The following GSAP variants were observed in gnomAD, a reference collection of about 807,000 sequenced individuals.
The protein encoded by GSAP is gamma-secretase-activating protein.
Under a neutral mutation model 131.7 loss-of-function variants are expected in GSAP, and 118 were observed. The observed-to-expected ratio is 0.90, with a 90% confidence interval of 0.77 to 1.04. The LOEUF (loss-of-function observed/expected upper bound fraction) is 1.04. GSAP is among the 50% of genes least tolerant of loss of function. GSAP has a pLI of 0.00. For synonymous variants in GSAP, 381 were observed against 363.4 expected, an observed-to-expected ratio of 1.05 and a Z score of -0.55; for missense variants, 1,019 against 1,013.2, an observed-to-expected ratio of 1.01 and a Z score of -0.08.
intron 12 of GSAP, 87 bp from the exon 13 acceptor site, chr7:77,362,747 C>T: frequency 1.4e-6 from 1 of 739,022 alleles, no homozygotes; most frequent in Non-Finnish European, 2.4e-6. Flanking sequence ...ACTTCTATTC[C>T]TTTAGATGTC....
Position 77,313,543 on chromosome 7 carries a change from TC to T in GSAP, c.2215del (p.Asp739IlefsTer9). ...CAGTTTTTCATTTTTCTCTGTATTA[TC>T]CAGATCTACAAGAAAGTTAGAGATT... ...TAVIRLMKDL[D>X]NTEKNEKLKF... On this transcript the variant is annotated frameshift_variant, in exon 28 of 31. Transcript: ENST00000257626. LOFTEE classifies it high-confidence loss of function. The T allele has an allele frequency of 6.6e-7, 1 of 1,508,820 alleles. No homozygotes were observed. Among genetic ancestry groups the T allele is most frequent in the Non-Finnish European group, 9.2e-7 (1 of 1,087,376 alleles). 93.5% of individuals were successfully genotyped at this position (1,508,820 alleles called of 1,614,324 possible).
intron 10 of GSAP, 28 bp from the exon 11 acceptor site, chr7:77,375,129 C>A: frequency 7.0e-7 from 1 of 1,427,224 alleles, no homozygotes. Flanking sequence ...GAAAATGAAC[C>A]CAAAATGACA....
chr7:77,351,747 A>G (rs1017989966), intron 18 of GSAP: 16 of 984,196 alleles, frequency 1.6e-5, no homozygotes, highest in Non-Finnish European at 1.8e-5. Context: ...CACCACATCC[A>G]ATTAACATGT....
intron 11 of GSAP, 39 bp downstream of exon 11, chr7:77,375,019 G>T: frequency 1.1e-6 from 1 of 952,204 alleles, no homozygotes; most frequent in Non-Finnish European, 1.7e-6. Flanking sequence ...TTGCCCACAA[G>T]TATCTATAAA....
intron 22 of GSAP, chr7:77,328,166 C>A: frequency 1.0e-6 from 1 of 979,330 alleles, no homozygotes; most frequent in Non-Finnish European, 1.2e-6. Context: ...CACTGCTTAC[C>A]TGGAAGCTCC....
intron 12 of GSAP, among the ~76,000 whole-genome samples, chr7:77,372,753 T>G (rs1401585939): frequency 6.6e-6 from 1 of 152,224 alleles, no homozygotes; most frequent in Non-Finnish European, 1.5e-5. Flanking sequence ...AAAAATACCC[T>G]TCAATGACTT....
chr7:77,322,498 C>A (rs187710134), intron 24 of GSAP, among the ~76,000 whole-genome samples: 1 of 151,722 alleles, frequency 6.6e-6, no homozygotes, highest in Non-Finnish European at 1.5e-5. Context: ...AATGGAAACC[C>A]TTCTTAGCAC....
chr7:77,314,632 A>G (rs932869281), intron 26 of GSAP, 143 bp from the exon 27 acceptor site: 1 of 807,740 alleles, frequency 1.2e-6, no homozygotes, highest in African/African-American at 1.7e-5. Context: ...ACAAGGTCCA[A>G]GTTTCCTTCT....
intron 5 of GSAP, among the ~76,000 whole-genome samples, chr7:77,396,263 CAA>C (rs1238866800): frequency 1.3e-5 from 2 of 151,522 alleles, no homozygotes; most frequent in Non-Finnish European, 2.9e-5. Context: ...GGAAAAAAAA[CAA>C]AGACATTCTG....
chr7:77,409,662 T>A (rs966472387), intron 1 of GSAP, among the ~76,000 whole-genome samples: 2 of 152,240 alleles, frequency 1.3e-5, no homozygotes, highest in Admixed American at 6.5e-5. Context: ...TGTGTCAATA[T>A]TTTGAGAAGT....
chr7:77,379,960 C>G lies in GSAP; in HGVS notation c.576+1345G>C, dbSNP rs143250718. The G allele has an allele frequency of 7.0e-6, 6 of 862,374 alleles. No homozygotes were observed. The East Asian group carries it at 6.0e-4, about 87-fold the overall frequency. 53.4% of individuals were successfully genotyped at this position (862,374 alleles called of 1,614,324 possible). ...TTTGTTCACTTAACTTTAAAATCTT[C>G]AGAGAAATGTTAAAATCTTCAGAGA... On this transcript the variant is annotated intron_variant, in intron 8 of 30. Coordinates refer to ENST00000257626, the MANE Select transcript of GSAP (RefSeq NM_017439.4).
chr7:77,408,946 AG>A (rs142324811), intron 1 of GSAP, among the ~76,000 whole-genome samples: 5,100 of 152,146 alleles, frequency 0.034, 289 homozygotes, highest in African/African-American at 0.12. Flanking sequence ...ATTTAGAGAG[AG>A]GAAGACCAGG....
rs1044584191 is a variant in GSAP, at chr7:77,330,421, C to T, written c.1546-54G>A. The stretch of plus-strand genomic sequence containing the variant: ...TCAGAGGCAGGCCCAGTGGCCCAAA[C>T]CACCCAGTGAGTATTACACAAGCCT... On this transcript the variant is annotated intron_variant, in intron 19 of 30. Coordinates refer to ENST00000257626, the MANE Select transcript of GSAP (RefSeq NM_017439.4). 2.8e-5 allele frequency: 45 copies of T among 1,594,054 alleles called. No individual in the cohort carries two copies. The Admixed American group carries it at 6.2e-4, about 22-fold the overall frequency.
chr7:77,368,949 T>C (rs1795727672), intron 12 of GSAP, among the ~76,000 whole-genome samples: 1 of 152,212 alleles, frequency 6.6e-6, no homozygotes, highest in Non-Finnish European at 1.5e-5. Context: ...AATTCATCAA[T>C]GATGAAGATA....
intron 26 of GSAP, 106 bp downstream of exon 26, chr7:77,320,619 C>G (rs919142423): frequency 1.4e-6 from 1 of 711,028 alleles, no homozygotes; most frequent in African/African-American, 1.8e-5. Flanking sequence ...TACACAATTT[C>G]TCATACACAA....
intron 14 of GSAP, among the ~76,000 whole-genome samples, chr7:77,359,903 C>T (rs1794290175): frequency 6.6e-6 from 1 of 152,328 alleles, no homozygotes; most frequent in African/African-American, 2.4e-5. Context: ...ATATTTCTCT[C>T]TCTTATCACA....
At chr7:77,407,634 T>C (rs1802523392) in intron 1 of GSAP, among the ~76,000 whole-genome samples, 1 of 152,216 alleles carries the variant, frequency 6.6e-6, no homozygotes, top group Non-Finnish European at 1.5e-5. Flanking sequence ...TATTATGTTT[T>C]AGTATTATGT....
intron 3 of GSAP, 102 bp from the exon 4 acceptor site, chr7:77,397,517 CA>C: frequency 1.6e-6 from 1 of 622,316 alleles, no homozygotes; most frequent in East Asian, 2.9e-5. Context: ...ATTACTGGGG[CA>C]AAATATTTTG....
intron 5 of GSAP, among the ~76,000 whole-genome samples, chr7:77,394,365 CTGTT>C (rs1054833017): frequency 6.6e-6 from 1 of 152,184 alleles, no homozygotes; most frequent in Non-Finnish European, 1.5e-5. Flanking sequence ...CCTGTGATGA[CTGTT>C]TGATCTGCCA....
Sources: allele counts gnomAD v4.1 joint callset (sites outside exome capture counted in the v4.1 genomes callset), GRCh38; gene constraint gnomAD v4.1.1; transcripts MANE v1.5; gene names NCBI Gene and HGNC (gene_info 2026-07-23, HGNC 2026-07-21).